Variants in MAN2A1 observed in about 807,000 individuals in gnomAD.
MAN2A1 encodes mannosidase alpha class 2A member 1, also known as alpha-mannosidase 2.
Under a neutral mutation model 142.6 loss-of-function variants are expected in MAN2A1, and 76 were observed. The ratio of observed to expected loss-of-function variants is 0.53; its 90% CI spans 0.44 to 0.65. MAN2A1 has a LOEUF of 0.65. MAN2A1 is among the 30% of genes least tolerant of loss of function. The pLI is 0.00. For missense variants in MAN2A1, 1,311 were observed against 1,365.1 expected (o/e 0.96, Z 0.62); for synonymous variants, 559 against 473.2 (o/e 1.18, Z -2.35).
intron 4 of MAN2A1, among the ~76,000 whole-genome samples, chr5:109,731,982 T>A (rs955415003): frequency 4.6e-5 from 7 of 152,058 alleles, no homozygotes; most frequent in Admixed American, 2.6e-4. Flanking sequence ...CCACCAATAG[T>A]GTAAAAGTGT....
At chr5:109,808,472 CAACA>C (rs1242628887) in intron 12 of MAN2A1, among the ~76,000 whole-genome samples, 4 of 151,818 alleles carry the variant, frequency 2.6e-5, no homozygotes, top group Non-Finnish European at 4.4e-5. Context: ...TTTAATAATG[CAACA>C]AACATTTTCT....
chr5:109,696,005 C>T (rs1195682496), intron 1 of MAN2A1, among the ~76,000 whole-genome samples: 1 of 151,992 alleles, frequency 6.6e-6, no homozygotes, highest in East Asian at 1.9e-4. Flanking sequence ...GTTTGATGAA[C>T]TCTGTCACTT....
intron 1 of MAN2A1, among the ~76,000 whole-genome samples, chr5:109,697,023 G>A (rs928131976): frequency 6.6e-6 from 1 of 152,158 alleles, no homozygotes; most frequent in Non-Finnish European, 1.5e-5. Flanking sequence ...TTGGACGTGT[G>A]TATTCTGAGA....
intron 10 of MAN2A1, among the ~76,000 whole-genome samples, chr5:109,785,280 T>G (rs971285747): frequency 6.6e-6 from 1 of 151,980 alleles, no homozygotes; most frequent in East Asian, 1.9e-4. Context: ...TGTAGAGAGA[T>G]AAAGATTCCT....
intron 16 of MAN2A1, among the ~76,000 whole-genome samples, chr5:109,834,723 C>T (rs2112747499): frequency 6.6e-6 from 1 of 152,220 alleles, no homozygotes; most frequent in South Asian, 2.1e-4. Flanking sequence ...AGTATATCAT[C>T]ATTTTCTTAA....
intron 3 of MAN2A1, among the ~76,000 whole-genome samples, chr5:109,724,589 A>T (rs1751692259): frequency 6.6e-6 from 1 of 152,130 alleles, no homozygotes; most frequent in Non-Finnish European, 1.5e-5. Context: ...GGATATAATT[A>T]TTTTTTATTC....
At chr5:109,825,787 A>G (rs1754739840) in intron 16 of MAN2A1, among the ~76,000 whole-genome samples, 1 of 151,068 alleles carries the variant, frequency 6.6e-6, no homozygotes, top group South Asian at 2.1e-4. Flanking sequence ...CTGAGGTTTG[A>G]CTGGCTCCTG....
chr5:109,693,836 G>T (rs935281166), intron 1 of MAN2A1, among the ~76,000 whole-genome samples: 1 of 152,172 alleles, frequency 6.6e-6, no homozygotes, highest in East Asian at 1.9e-4. Flanking sequence ...TGAAACTTGT[G>T]TGTATATTTC....
chr5:109,774,980 T>C lies in MAN2A1; in HGVS notation c.1374+15T>C, dbSNP rs1753245240. The C allele has an allele frequency of 1.3e-6, 2 of 1,534,492 alleles. No homozygotes were observed. The highest frequency in any genetic ancestry group is 1.8e-6 in the Non-Finnish European group (2 of 1,122,280). On this transcript the variant is annotated intron_variant, in intron 8 of 21. Transcript: ENST00000261483. ...TTAAAGTTAAGGTAAGGAGAAAATA[T>C]TTATGATTCCGTATTTGAAATTGAA...
intron 4 of MAN2A1, among the ~76,000 whole-genome samples, chr5:109,735,878 G>GTTTTTTT (rs35796131): frequency 2.0e-5 from 2 of 98,404 alleles, no homozygotes; most frequent in Non-Finnish European, 3.8e-5. Context: ...TTCCATTGGA[G>GTTTTTTT]TTTTTTTTTT....
chr5:109,699,864 TAAAAA>T, intron 1 of MAN2A1: 1 of 152,362 alleles, frequency 6.6e-6, no homozygotes, highest in East Asian at 1.9e-4. Context: ...TAAAAAATGT[TAAAAA>T]AAAGAAAACC....
chr5:109,865,668 A>T (rs1755861558), intron 21 of MAN2A1, among the ~76,000 whole-genome samples: 1 of 152,222 alleles, frequency 6.6e-6, no homozygotes, highest in Non-Finnish European at 1.5e-5. Flanking sequence ...TTGGGAAATA[A>T]ATGTAGGTCT....
intron 20 of MAN2A1, chr5:109,864,504 C>G (rs1561548434): frequency 6.6e-6 from 1 of 152,112 alleles, no homozygotes; most frequent in Non-Finnish European, 1.5e-5. Flanking sequence ...GAAAGCATAA[C>G]TAAATTTAAA....
intron 4 of MAN2A1, 137 bp downstream of exon 4, chr5:109,729,650 G>T (rs1422791696): frequency 2.0e-6 from 1 of 490,162 alleles, no homozygotes. Flanking sequence ...TACCGTTTTC[G>T]TTGATTTTGG....
intron 16 of MAN2A1, chr5:109,839,995 C>T (rs1755159189): frequency 6.6e-6 from 1 of 151,742 alleles, no homozygotes; most frequent in Admixed American, 6.6e-5. Context: ...TTCACTAACA[C>T]ATGCTAGGAG....
intron 16 of MAN2A1, among the ~76,000 whole-genome samples, 143 bp from the exon 17 acceptor site, chr5:109,842,173 TTAAATTGTCATA>T (rs1473839609): frequency 6.6e-6 from 1 of 152,206 alleles, no homozygotes; most frequent in Non-Finnish European, 1.5e-5. Context: ...AAAAGAAAAG[TTAAATTGTCATA>T]GCATTTATTA....
At chr5:109,850,258 G>A (rs767361155) in intron 19 of MAN2A1, among the ~76,000 whole-genome samples, 2 of 152,158 alleles carry the variant, frequency 1.3e-5, no homozygotes, top group Non-Finnish European at 2.9e-5. Flanking sequence ...AGCTGTTAGA[G>A]TACATTTTGC....
intron 12 of MAN2A1, 144 bp downstream of exon 12, chr5:109,789,671 G>C (rs1753688188): frequency 5.1e-6 from 3 of 589,254 alleles, no homozygotes; most frequent in Non-Finnish European, 9.0e-6. Flanking sequence ...TTTCTTTCAT[G>C]ACTGTGTTAT....
rs534960854 is a variant in MAN2A1, at chr5:109,731,356, C to CT, written c.707+1851dup. ...CTATTAAAAATAGGAAAGCGTGTTT[C>CT]TTTTTTTTATTATTATTATTATACT... is the stretch of plus-strand genomic sequence containing the variant. On this transcript the variant is annotated intron_variant, in intron 4 of 21. Transcript: ENST00000261483. Among the ~76,000 whole-genome samples the CT allele has an allele frequency of 3.6e-3, 451 of 123,736 alleles. 4 individuals carry two copies. The highest frequency in any genetic ancestry group is 0.014 in the African/African-American group (416 of 29,858). The allele number at this position is 123,736 out of a possible 152,430, so 81.2% of individuals were successfully genotyped here.
Sources: allele counts gnomAD v4.1 joint callset (sites outside exome capture counted in the v4.1 genomes callset), GRCh38; gene constraint gnomAD v4.1.1; transcripts MANE v1.5; gene names NCBI Gene and HGNC (gene_info 2026-07-23, HGNC 2026-07-21).